TMEFF2: variants seen among roughly 807,000 people sequenced by gnomAD.
The protein encoded by TMEFF2 is transmembrane protein with EGF like and two follistatin like domains 2.
A neutral mutation model predicts 53.8 loss-of-function variants in TMEFF2; 28 were observed. The ratio of observed to expected loss-of-function variants is 0.52; its 90% CI spans 0.39 to 0.71. The LOEUF (loss-of-function observed/expected upper bound fraction) is 0.71. Ranked by LOEUF, TMEFF2 falls within the 30% of genes least tolerant of loss-of-function variation. The pLI is 0.00. For missense variants in TMEFF2, 353 were observed against 455.2 expected, an observed-to-expected ratio of 0.78 and a Z score of 2.04; for synonymous variants, 162 against 166.3, an observed-to-expected ratio of 0.97 and a Z score of 0.20.
chr2:192,132,222 A>AGCCCTC (rs1360833910), intron 4 of TMEFF2, among the ~76,000 whole-genome samples: 1 of 152,094 alleles, frequency 6.6e-6, no homozygotes, highest in East Asian at 1.9e-4. Flanking sequence ...TTCTGTGACT[A>AGCCCTC]GCCCTCCCCC....
At chr2:191,955,017 G>A (rs1443826823) in intron 8 of TMEFF2, among the ~76,000 whole-genome samples, 4 of 151,804 alleles carry the variant, frequency 2.6e-5, no homozygotes, top group Non-Finnish European at 5.9e-5. Flanking sequence ...CTGCTGGGGA[G>A]TGAGGGGGTA....
At chr2:192,003,961 A>T (rs1686435266) in intron 5 of TMEFF2, among the ~76,000 whole-genome samples, 1 of 148,172 alleles carries the variant, frequency 6.7e-6, no homozygotes, top group Non-Finnish European at 1.5e-5. Flanking sequence ...TCCATGGTGC[A>T]TTTACTGCAT....
intron 5 of TMEFF2, chr2:192,037,142 T>C (rs1227468319): frequency 1.3e-5 from 2 of 151,988 alleles, no homozygotes; most frequent in Non-Finnish European, 2.9e-5. Flanking sequence ...CTCTAATCTC[T>C]CTTTTGGGGA....
chr2:192,059,047 A>G (rs1279491123), intron 4 of TMEFF2, among the ~76,000 whole-genome samples: 1 of 152,180 alleles, frequency 6.6e-6, no homozygotes, highest in East Asian at 1.9e-4. Flanking sequence ...ACTGCTGTTC[A>G]GATGAGTAAT....
At chr2:192,026,248 T>C (rs1686968234) in intron 5 of TMEFF2, among the ~76,000 whole-genome samples, 1 of 152,108 alleles carries the variant, frequency 6.6e-6, no homozygotes, top group African/African-American at 2.4e-5. Flanking sequence ...CTTCCTGGAG[T>C]TGCTCCTTAG....
chr2:191,970,147 T>G (rs568567695), intron 7 of TMEFF2, among the ~76,000 whole-genome samples: 1 of 152,182 alleles, frequency 6.6e-6, no homozygotes, highest in Middle Eastern at 3.2e-3. Context: ...ATTTCCGTGT[T>G]GTCCCTCTAT....
At chr2:192,123,845 T>C (rs1689616210) in intron 4 of TMEFF2, among the ~76,000 whole-genome samples, 1 of 152,266 alleles carries the variant, frequency 6.6e-6, no homozygotes, top group Admixed American at 6.5e-5. Context: ...TGCCTCTTAT[T>C]CACTATTGAG....
intron 4 of TMEFF2, among the ~76,000 whole-genome samples, chr2:192,094,818 C>T (rs554073023): frequency 6.6e-6 from 1 of 152,220 alleles, no homozygotes; most frequent in East Asian, 1.9e-4. Context: ...AGAATTATTA[C>T]ACTTTCTTTT....
At chr2:192,027,165 T>TA in intron 5 of TMEFF2, among the ~76,000 whole-genome samples, 1 of 152,320 alleles carries the variant, frequency 6.6e-6, no homozygotes, top group Admixed American at 6.5e-5. Flanking sequence ...ATATGTGGCT[T>TA]GTGCAAAAAT....
intron 7 of TMEFF2, among the ~76,000 whole-genome samples, chr2:191,996,323 A>G (rs1447318665): frequency 4.6e-5 from 7 of 151,954 alleles, no homozygotes; most frequent in Non-Finnish European, 1.0e-4. Flanking sequence ...CAATGAGTAC[A>G]AAGACGGATG....
At chr2:192,002,012 G>GTAT (rs1553512279) in intron 5 of TMEFF2, among the ~76,000 whole-genome samples, 18 of 149,822 alleles carry the variant, frequency 1.2e-4, no homozygotes, top group East Asian at 1.9e-4. Context: ...TCCAATTGGT[G>GTAT]TATTTATTTA....
chr2:192,103,160 T>A (rs1255817533), intron 4 of TMEFF2, among the ~76,000 whole-genome samples: 1 of 152,164 alleles, frequency 6.6e-6, no homozygotes, highest in Non-Finnish European at 1.5e-5. Context: ...ACGTGGTACT[T>A]CTTGATCTTC....
intron 4 of TMEFF2, among the ~76,000 whole-genome samples, chr2:192,061,988 G>A (rs893554824): frequency 2.0e-5 from 3 of 152,194 alleles, no homozygotes; most frequent in Non-Finnish European, 4.4e-5. Context: ...GGAGAACCAT[G>A]AGTCAGAATA....
At chr2:192,164,816 G>A (rs1181504589) in intron 4 of TMEFF2, among the ~76,000 whole-genome samples, 1 of 151,776 alleles carries the variant, frequency 6.6e-6, no homozygotes, top group Non-Finnish European at 1.5e-5. Context: ...TCTGAATTAA[G>A]CTTCCTGTGA....
At chr2:192,133,077 C>T (rs1391480526) in intron 4 of TMEFF2, among the ~76,000 whole-genome samples, 1 of 152,052 alleles carries the variant, frequency 6.6e-6, no homozygotes, top group African/African-American at 2.4e-5. Context: ...GGCCAGGCTT[C>T]TAAACCTCTT....
At chr2:192,099,801 TAGGAGTGATGGCATATTTTGGTTC>T (rs1688994141) in intron 4 of TMEFF2, among the ~76,000 whole-genome samples, 1 of 152,010 alleles carries the variant, frequency 6.6e-6, no homozygotes. Flanking sequence ...TTTTCCATCT[TAGGAGTGATGGCATATTTTGGTTC>T]AGTAGTGCTT....
intron 4 of TMEFF2, among the ~76,000 whole-genome samples, chr2:192,176,032 A>C (rs1334455757): frequency 3.3e-5 from 5 of 151,426 alleles, no homozygotes; most frequent in Non-Finnish European, 7.4e-5. Flanking sequence ...GGCACCTTTA[A>C]TACTTTTTCT....
At chr2:191,981,997 T>C (rs957220121) in intron 7 of TMEFF2, among the ~76,000 whole-genome samples, 3 of 152,186 alleles carry the variant, frequency 2.0e-5, no homozygotes, top group African/African-American at 7.2e-5. Flanking sequence ...CTCAAGTCAC[T>C]TGATACTGTC....
chr2:192,002,586 C>T (rs1218613494), intron 5 of TMEFF2, among the ~76,000 whole-genome samples: 1 of 151,940 alleles, frequency 6.6e-6, no homozygotes, highest in East Asian at 1.9e-4. Context: ...TCCCAGCACC[C>T]TGGGAGGCCA....
Sources: allele counts gnomAD v4.1 joint callset (sites outside exome capture counted in the v4.1 genomes callset), GRCh38; gene constraint gnomAD v4.1.1; transcripts MANE v1.5; gene names NCBI Gene and HGNC (gene_info 2026-07-23, HGNC 2026-07-21).